ITGBL1: variants seen among roughly 807,000 people sequenced by gnomAD.
ITGBL1 encodes integrin beta-like protein 1.
A neutral mutation model predicts 68.5 loss-of-function variants in ITGBL1; 51 were observed. That is an observed-to-expected ratio of 0.74 (90% CI 0.59 to 0.94). ITGBL1 has a LOEUF of 0.94. Ranked by LOEUF, ITGBL1 falls within the 40% of genes least tolerant of loss-of-function variation. The pLI, the probability that ITGBL1 is intolerant of heterozygous loss-of-function variation, is 0.00. For synonymous variants in ITGBL1, 209 were observed against 227.3 expected, an observed-to-expected ratio of 0.92 and a Z score of 0.72; for missense variants, 649 against 647.4, an observed-to-expected ratio of 1.00 and a Z score of -0.03.
In ITGBL1 at chr13:101,706,835, T is replaced by TAACATGAC. The variant is rs1310234708; in HGVS notation, c.1213_1220dup (p.Glu408ThrfsTer2). On this transcript the variant is annotated frameshift_variant, in exon 9 of 11. Coordinates refer to ENST00000376180, the MANE Select transcript of ITGBL1 (RefSeq NM_004791.3). LOFTEE classifies it high-confidence loss of function. ...AGCTCTGCCAACATCCGCGGAAGTG[T>TAACATGAC]AACATGACGGAAGAACAAAGCAAGA... The TAACATGAC allele has an allele frequency of 3.7e-6, 6 of 1,614,024 alleles. No individual in the cohort carries two copies. The African/African-American group carries it at 8.0e-5, about 22-fold the overall frequency.
chr13:101,637,857 T>C (rs1437991532), intron 7 of ITGBL1, among the ~76,000 whole-genome samples: 1 of 152,198 alleles, frequency 6.6e-6, no homozygotes, highest in African/African-American at 2.4e-5. Context: ...TAGCAGCTCA[T>C]GACTGAGTTG....
At chr13:101,480,684 AT>A (rs1566693679) in intron 2 of ITGBL1, among the ~76,000 whole-genome samples, 1 of 152,080 alleles carries the variant, frequency 6.6e-6, no homozygotes, top group Non-Finnish European at 1.5e-5. Flanking sequence ...GAATAAAAAA[AT>A]AAATTCAGAG....
chr13:101,543,714 G>T (rs997738898), intron 2 of ITGBL1, among the ~76,000 whole-genome samples: 9 of 152,046 alleles, frequency 5.9e-5, no homozygotes, highest in South Asian at 2.1e-4. Flanking sequence ...GCAGATTTGG[G>T]CTTTTCACAT....
At position 101,452,841 on chromosome 13, in the gene ITGBL1, C is replaced by G; in HGVS notation, c.8C>G (p.Pro3Arg). The G allele has an allele frequency of 6.2e-7, 1 of 1,613,740 alleles. No homozygotes were observed. Among genetic ancestry groups the G allele is most frequent in the Non-Finnish European group, 8.5e-7 (1 of 1,179,698 alleles). MRPPGFRNFLLLA... is the reference protein window; with the variant it reads MRRPGFRNFLLLA... Reference sequence around the variant, plus strand: ...GCAGCCCAGGAGCTCAGCATGCGTCCCCCAGGCTTCAGGAACTTCTTGCTG... The same window carrying G: ...GCAGCCCAGGAGCTCAGCATGCGTCGCCCAGGCTTCAGGAACTTCTTGCTG... Residue 3 changes from proline (P) to arginine (R), a missense_variant, in exon 1 of 11, where the codon CCC (proline) becomes CGC (arginine). Transcript: ENST00000376180.
chr13:101,629,260 A>C (rs1019317995), intron 7 of ITGBL1, among the ~76,000 whole-genome samples: 1 of 152,128 alleles, frequency 6.6e-6, no homozygotes, highest in Non-Finnish European at 1.5e-5. Flanking sequence ...CTAATCTACA[A>C]ATCTTTGCTG....
chr13:101,458,534 C>T (rs1264091067), intron 2 of ITGBL1, among the ~76,000 whole-genome samples: 2 of 152,138 alleles, frequency 1.3e-5, no homozygotes, highest in Admixed American at 1.3e-4. Context: ...TAGGAGTGAT[C>T]ATTAGTGCTC....
At position 101,716,024 on chromosome 13, in the gene ITGBL1, A is replaced by T. The variant is rs573791054; in HGVS notation, c.*370A>T. 4.4e-6 allele frequency: 1 copy of T among 228,802 alleles called. No individual in the cohort carries two copies. The highest frequency in any genetic ancestry group is 5.2e-5 in the Admixed American group (1 of 19,102). The allele number at this position is 228,802 out of a possible 1,614,324, so 14.2% of individuals were successfully genotyped here. On this transcript the variant is annotated 3_prime_UTR_variant, in exon 11 of 11. Transcript: ENST00000376180. ...CCAGGGATGCTGCTGAGCATCCCGC[A>T]GTGTACAGGACAGCCCCCAAACAAG...
At chr13:101,539,898 T>G (rs2049659059) in intron 2 of ITGBL1, among the ~76,000 whole-genome samples, 1 of 152,120 alleles carries the variant, frequency 6.6e-6, no homozygotes, top group African/African-American at 2.4e-5. Context: ...TTGATGGGGT[T>G]GTTTGTTTTT....
intron 7 of ITGBL1, among the ~76,000 whole-genome samples, chr13:101,652,191 G>C (rs1328353913): frequency 1.3e-5 from 2 of 152,142 alleles, no homozygotes; most frequent in Admixed American, 1.3e-4. Context: ...GCCCAGGCTA[G>C]AGTGCAGTGG....
At chr13:101,591,974 A>T (rs1375567380) in intron 6 of ITGBL1, among the ~76,000 whole-genome samples, 1 of 152,174 alleles carries the variant, frequency 6.6e-6, no homozygotes, top group African/African-American at 2.4e-5. Context: ...CTTTTAAACT[A>T]TTTAATGTAC....
At chr13:101,584,693 A>C (rs1594905847) in intron 6 of ITGBL1, among the ~76,000 whole-genome samples, 1 of 151,968 alleles carries the variant, frequency 6.6e-6, no homozygotes, top group Non-Finnish European at 1.5e-5. Flanking sequence ...ATTTTTTTCT[A>C]TTATTAATTA....
At chr13:101,606,876 A>G (rs866971615) in intron 7 of ITGBL1, among the ~76,000 whole-genome samples, 3 of 152,112 alleles carry the variant, frequency 2.0e-5, no homozygotes, top group Middle Eastern at 6.8e-3. Flanking sequence ...CTGACTGATA[A>G]TCGGTTCCCC....
chr13:101,606,410 T>C (rs765136813), intron 7 of ITGBL1, among the ~76,000 whole-genome samples: 3 of 151,550 alleles, frequency 2.0e-5, no homozygotes, highest in East Asian at 1.9e-4. Context: ...ATAGCCATTA[T>C]AGGTATAAAG....
At chr13:101,651,053 G>A (rs556844234) in intron 7 of ITGBL1, among the ~76,000 whole-genome samples, 1 of 152,188 alleles carries the variant, frequency 6.6e-6, no homozygotes, top group East Asian at 1.9e-4. Context: ...ATCATTGATG[G>A]GCATTTGGGT....
At chr13:101,687,245 C>T (rs1418586047) in intron 7 of ITGBL1, among the ~76,000 whole-genome samples, 1 of 151,780 alleles carries the variant, frequency 6.6e-6, no homozygotes, top group East Asian at 1.9e-4. Flanking sequence ...TCATACGAAA[C>T]AGATTCTTAA....
Position 101,714,448 on chromosome 13 carries a change from T to C in ITGBL1, c.1290T>C (p.His430=), listed in dbSNP as rs374252386. 18 of 1,600,382 alleles carry C rather than the reference T, an allele frequency of 1.1e-5. No homozygotes were observed. The highest frequency in any genetic ancestry group is 2.7e-5 in the African/African-American group (2 of 74,700). ...GILCSGKGSC[H]CGKCICSAEE... ...CCTTTGTAATTTCAGGTTCTTGTCA[T>C]TGTGGGAAGTGCATTTGTTCTGCTG... The change falls in exon 10 of 11, where the codon CAT becomes CAC. Residue 430 remains histidine, a synonymous_variant. Transcript: ENST00000376180.
intron 2 of ITGBL1, among the ~76,000 whole-genome samples, chr13:101,512,030 T>A (rs1172523734): frequency 6.6e-6 from 1 of 152,178 alleles, no homozygotes; most frequent in Non-Finnish European, 1.5e-5. Flanking sequence ...GTTGTCATTC[T>A]AATTTGAAAT....
At chr13:101,469,027 C>T (rs1348450145) in intron 2 of ITGBL1, among the ~76,000 whole-genome samples, 5 of 152,160 alleles carry the variant, frequency 3.3e-5, no homozygotes, top group African/African-American at 9.7e-5. Context: ...CATTACCTTA[C>T]ATTATTTTGT....
In ITGBL1 at chr13:101,586,151, C is replaced by A. The variant is rs377597931; in HGVS notation, c.868+2795C>A. Among the ~76,000 whole-genome samples the A allele has an allele frequency of 2.1e-3, 324 of 152,274 alleles. 1 individual carries two copies. Among genetic ancestry groups the A allele is most frequent in the African/African-American group, 7.5e-3 (313 of 41,562 alleles). ...GTGAAGTGTCATTAAGGAGGCTGCA[C>A]TGGAATCTAATTTTCCACCTCACCT... On this transcript the variant is annotated intron_variant, in intron 6 of 10. Coordinates refer to ENST00000376180, the MANE Select transcript of ITGBL1 (RefSeq NM_004791.3).
Sources: allele counts gnomAD v4.1 joint callset (sites outside exome capture counted in the v4.1 genomes callset), GRCh38; gene constraint gnomAD v4.1.1; transcripts MANE v1.5; gene names NCBI Gene and HGNC (gene_info 2026-07-23, HGNC 2026-07-21).